Variants in SERINC3 observed in about 807,000 individuals in gnomAD.
The protein encoded by SERINC3 is tumor differentially expressed protein 1.
SERINC3 carries 22 observed loss-of-function variants against 52.1 expected under a neutral mutation model. The ratio of observed to expected loss-of-function variants is 0.42; its 90% confidence interval spans 0.30 to 0.60. The LOEUF is 0.60. Among genes scored for constraint, SERINC3 ranks in the 20% least tolerant of loss-of-function variants. The pLI, the probability that SERINC3 is intolerant of heterozygous loss-of-function variation, is 0.16. For synonymous variants in SERINC3, 226 were observed against 212.7 expected, an observed-to-expected ratio of 1.06 and a Z score of -0.54; for missense variants, 564 against 584.6, an observed-to-expected ratio of 0.96 and a Z score of 0.36.
Position 44,501,276 on chromosome 20 carries a change from T to G in SERINC3, c.1080A>C (p.Gln360His), listed in dbSNP as rs777054616. The G allele has an allele frequency of 6.2e-7, 1 of 1,614,146 alleles. No homozygotes were observed. Among genetic ancestry groups the G allele is most frequent in the South Asian group, 1.1e-5 (1 of 91,074 alleles). Reference sequence around the variant, plus strand: ...TCCCTGACAGGGTCAGCTTGTCTACTTGGCTATTAGTGGAAGTGCGGATGC... The same window carrying G: ...TCCCTGACAGGGTCAGCTTGTCTACGTGGCTATTAGTGGAAGTGCGGATGC... The part of the protein sequence containing the change: ...YSSIRTSTNS[Q>H]VDKLTLSGSD... The change falls in exon 9 of 10, where the codon CAA becomes CAC. Residue 360 changes from glutamine (Q) to histidine (H), a missense_variant. Physicochemically the swap from Gln to His is conservative, Grantham distance 24. Transcript: ENST00000342374.
At chr20:44,507,418 G>A (rs1316372161) in intron 5 of SERINC3, among the ~76,000 whole-genome samples, 2 of 152,100 alleles carry the variant, frequency 1.3e-5, no homozygotes, top group Admixed American at 1.3e-4. Context: ...ACACACACTG[G>A]TATCTTTTTA....
rs781109565 is a variant in SERINC3, at chr20:44,506,874, T to C, written c.736A>G (p.Ile246Val). The C allele has an allele frequency of 1.9e-6, 3 of 1,598,716 alleles. No individual in the cohort carries two copies. Among genetic ancestry groups the C allele is most frequent in the Admixed American group, 3.4e-5 (2 of 58,162 alleles). ...ATAATAGAAGCCACAACGCAAAGGA[T>C]CAGGTTAATACTGATGAAGAACTTG... Reference protein sequence around the residue: ...ENKFFISINLILCVVASIISI... With the variant: ...ENKFFISINLVLCVVASIISI... Residue 246 changes from isoleucine to valine, a missense_variant, in exon 6 of 10, where the codon ATC (isoleucine) becomes GTC (valine). Transcript: ENST00000342374.
In SERINC3 at chr20:44,503,826, G is replaced by A. The variant is rs199784032; in HGVS notation, c.1044C>T (p.Leu348=). 3.2e-6 allele frequency: 5 copies of A among 1,550,644 alleles called. No individual in the cohort carries two copies. The highest frequency in any genetic ancestry group is 4.3e-6 in the Non-Finnish European group (5 of 1,157,540). The change falls in exon 8 of 10, where the codon CTC becomes CTT. Residue 348 remains leucine (L), a synonymous_variant. Coordinates refer to ENST00000342374, the MANE Select transcript of SERINC3 (RefSeq NM_006811.4). The stretch of plus-strand genomic sequence containing the variant: ...ACCTTTTAACTTACCTAGAATACAA[G>A]AGGCAGAGAACAAAGACAAACAGTC... ...FIGLFVFVLC[L]LYSSIRTSTN...
intron 1 of SERINC3, among the ~76,000 whole-genome samples, chr20:44,517,727 G>A (rs573450116): frequency 1.1e-4 from 17 of 152,228 alleles, no homozygotes; most frequent in East Asian, 5.8e-4. Context: ...TAAGCCACTC[G>A]GTCTGTGGTA....
chr20:44,518,537 A>G (rs1463901460), intron 1 of SERINC3, among the ~76,000 whole-genome samples: 1 of 152,128 alleles, frequency 6.6e-6, no homozygotes, highest in Non-Finnish European at 1.5e-5. Flanking sequence ...GGAAAGACCC[A>G]CCATACCTGC....
intron 1 of SERINC3, among the ~76,000 whole-genome samples, chr20:44,517,070 G>A (rs562065736): frequency 6.6e-6 from 1 of 152,192 alleles, no homozygotes; most frequent in African/African-American, 2.4e-5. Flanking sequence ...TGTGTGGTTT[G>A]CAGCAGGGTG....
rs566674634 is a variant in SERINC3 at position 44,502,255 on chromosome 20, A to T, written c.1056-955T>A. 3.5e-4 allele frequency among the ~76,000 whole-genome samples: 53 copies of T among 152,354 alleles called. No homozygotes were observed. In the Middle Eastern group the frequency reaches 0.01, roughly 29 times the overall value. On this transcript the variant is annotated intron_variant, in intron 8 of 9. Coordinates refer to ENST00000342374, the MANE Select transcript of SERINC3 (RefSeq NM_006811.4). ...ACACATGCAAACTATTAGAACCAAT[A>T]AATAAGTTCACCAAAGTTGCAGGAT...
chr20:44,515,910 C>T (rs2064377510), intron 1 of SERINC3, among the ~76,000 whole-genome samples: 1 of 152,074 alleles, frequency 6.6e-6, no homozygotes, highest in Non-Finnish European at 1.5e-5. Flanking sequence ...CCCACACTGG[C>T]CACCGAAAGT....
chr20:44,510,174 C>G, intron 4 of SERINC3, 146 bp from the exon 5 acceptor site: 1 of 736,618 alleles, frequency 1.4e-6, no homozygotes, highest in Non-Finnish European at 2.2e-6. Flanking sequence ...CCAAACTCAA[C>G]GGCATTCTTA....
downstream of SERINC3, among the ~76,000 whole-genome samples, chr20:44,497,224 A>C (rs1190659202): frequency 1.3e-5 from 2 of 152,236 alleles, no homozygotes; most frequent in African/African-American, 2.4e-5. Flanking sequence ...CCCCTGCTTT[A>C]AATGATGATC....
At chr20:44,514,481 C>T (rs1170924833) in intron 1 of SERINC3, among the ~76,000 whole-genome samples, 5 of 152,192 alleles carry the variant, frequency 3.3e-5, no homozygotes, top group South Asian at 4.1e-4. Context: ...AGCAACATGC[C>T]GGGCGTGGTG....
At chr20:44,509,326 G>A (rs1203955789) in intron 5 of SERINC3, among the ~76,000 whole-genome samples, 1 of 151,986 alleles carries the variant, frequency 6.6e-6, no homozygotes, top group Admixed American at 6.6e-5. Context: ...TCCTCTCCAT[G>A]GAAACAAGGT....
In SERINC3 at chr20:44,501,181, C is replaced by T. The variant is rs146451210; in HGVS notation, c.1175G>A (p.Arg392Gln). The change falls in exon 9 of 10, where the codon CGG becomes CAG. Residue 392 changes from arginine (R) to glutamine (Q), a missense_variant. Physicochemically the swap from Arg to Gln is conservative, Grantham distance 43 (BLOSUM62 1). Transcript: ENST00000342374. ...TCCCTCTTTCTCGTTGTCCACAGCC[C>T]GCCGAGGCTGTCCATCTTCTTCATC... ...ASDEEDGQPR[R>Q]AVDNEKEGVQ... The T allele has an allele frequency of 2.4e-4, 387 of 1,613,870 alleles. No homozygotes were observed. Among genetic ancestry groups the T allele is most frequent in the Non-Finnish European group, 2.9e-4 (348 of 1,179,934 alleles).
At chr20:44,518,752 G>A (rs2064396786) in intron 1 of SERINC3, among the ~76,000 whole-genome samples, 3 of 152,000 alleles carry the variant, frequency 2.0e-5, no homozygotes, top group Admixed American at 2.0e-4. Context: ...ATCACCTGAG[G>A]TCGGGAGTTC....
At position 44,512,777 on chromosome 20, in the gene SERINC3, C is replaced by G. The variant is rs374078727; in HGVS notation, c.395+24G>C. ...AGGAAGAGCCACACCATAATGTAAC[C>G]AGTTAATCATAAATCTAACATACCC... On this transcript the variant is annotated intron_variant, in intron 3 of 9. Coordinates refer to ENST00000342374, the MANE Select transcript of SERINC3 (RefSeq NM_006811.4). 2.6e-6 allele frequency: 4 copies of G among 1,528,100 alleles called. No individual in the cohort carries two copies. The African/African-American group carries it at 5.8e-5, about 22-fold the overall frequency. The allele number at this position is 1,528,100 out of a possible 1,614,324, so 94.7% of individuals were successfully genotyped here. A position where few individuals can be genotyped will look rare whatever the true frequency, so the allele number is the denominator to read the frequency against.
In SERINC3 at chr20:44,514,747, C is replaced by T. The variant is rs185566021; in HGVS notation, c.40-707G>A. 2.3e-3 allele frequency among the ~76,000 whole-genome samples: 345 copies of T among 151,652 alleles called. 1 individual carries two copies. Among genetic ancestry groups the T allele is most frequent in the African/African-American group, 7.6e-3 (316 of 41,326 alleles). On this transcript the variant is annotated intron_variant, in intron 1 of 9. Transcript: ENST00000342374. ...CTGCACTCCAGCCTGGGCTACAGAGCGAGACTCCATCTCAAAAAAATAAAA... is the reference window on the plus strand; with the variant it reads ...CTGCACTCCAGCCTGGGCTACAGAGTGAGACTCCATCTCAAAAAAATAAAA...
intron 6 of SERINC3, 145 bp downstream of exon 6, chr20:44,506,682 A>T (rs2064316067): frequency 5.2e-6 from 2 of 386,142 alleles, no homozygotes; most frequent in Non-Finnish European, 8.7e-6. Context: ...TGATATAGGC[A>T]TGAAATAGAA....
At chr20:44,510,783 C>A (rs1254355814) in intron 4 of SERINC3, among the ~76,000 whole-genome samples, 4 of 151,754 alleles carry the variant, frequency 2.6e-5, no homozygotes. Context: ...GGCACTCCAG[C>A]CTGGGAGACA....
rs1293095781 is a variant in SERINC3 at position 44,522,037 on chromosome 20, A to C, written c.-86T>G. The C allele has an allele frequency of 6.6e-6, 9 of 1,359,544 alleles. No homozygotes were observed. Among genetic ancestry groups the C allele is most frequent in the Non-Finnish European group, 3.1e-6 (3 of 976,696 alleles). 84.2% of individuals were successfully genotyped at this position (1,359,544 alleles called of 1,614,324 possible). A position where few individuals can be genotyped will look rare whatever the true frequency, so the allele number is the denominator to read the frequency against. On this transcript the variant is annotated 5_prime_UTR_variant, in exon 1 of 10. An upstream start codon of the reference 5' UTR is lost. Coordinates refer to ENST00000342374, the MANE Select transcript of SERINC3 (RefSeq NM_006811.4). ...CCAGCTGAGGTGACTCCCCAGAAAC[A>C]TGACGGTTTCTCAGGCCGGAAACGC... is the stretch of plus-strand genomic sequence containing the variant.
Sources: allele counts gnomAD v4.1 joint callset (sites outside exome capture counted in the v4.1 genomes callset), GRCh38; gene constraint gnomAD v4.1.1; transcripts MANE v1.5; gene names NCBI Gene and HGNC (gene_info 2026-07-23, HGNC 2026-07-21).